GALNT9: variants seen among roughly 807,000 people sequenced by gnomAD.
The protein encoded by GALNT9 is GalNAc transferase 9.
A neutral mutation model predicts 63.1 loss-of-function variants in GALNT9; 47 were observed. The observed-to-expected ratio is 0.75, with a 90% confidence interval of 0.59 to 0.95. The LOEUF is 0.95. GALNT9 is among the 40% of genes least tolerant of loss of function. The probability of loss-of-function intolerance (pLI) is 0.00; values close to 1 mark genes in which losing one functional copy is unlikely to be tolerated. For synonymous variants in GALNT9, 396 were observed against 365.7 expected (o/e 1.08, Z -0.94); for missense variants, 829 against 874.8 (o/e 0.95, Z 0.66).
intron 1 of GALNT9, among the ~76,000 whole-genome samples, chr12:132,325,024 C>A (rs1440614868): frequency 1.3e-5 from 2 of 152,158 alleles, no homozygotes; most frequent in Admixed American, 6.5e-5. Context: ...TGGCTGTGGG[C>A]CATGCACGGG....
At chr12:132,200,596 AT>A in intron 8 of GALNT9, 1 of 153,458 alleles carries the variant, frequency 6.5e-6, no homozygotes, top group Admixed American at 6.5e-5. Flanking sequence ...TGAAACATAC[AT>A]CTGTGTAGGA....
chr12:132,240,518 G>A (rs1555236832), intron 6 of GALNT9: 1 of 430,514 alleles, frequency 2.3e-6, no homozygotes, highest in Non-Finnish European at 4.6e-6. Context: ...CCAGTCGCTG[G>A]CAGTGCTGCT....
chr12:132,257,601 A>T, intron 5 of GALNT9, 88 bp downstream of exon 5: 1 of 918,230 alleles, frequency 1.1e-6, no homozygotes, highest in Non-Finnish European at 1.6e-6. Context: ...CCCGGCCCTC[A>T]TCCCTGGCCC....
intron 6 of GALNT9, among the ~76,000 whole-genome samples, chr12:132,231,278 C>G (rs1179167191): frequency 6.5e-5 from 1 of 15,438 alleles, no homozygotes; most frequent in Non-Finnish European, 1.1e-4. Context: ...CTCGATGGGG[C>G]GACAGAGGAG....
intron 1 of GALNT9, among the ~76,000 whole-genome samples, chr12:132,318,733 C>T (rs1203503041): frequency 6.6e-6 from 1 of 152,226 alleles, no homozygotes; most frequent in Non-Finnish European, 1.5e-5. Context: ...GCCCTCCTCT[C>T]GTCTGCCTGG....
rs1330356481 is a variant in GALNT9 at position 132,296,317 on chromosome 12, C to A, written c.239-9887G>T. ...CAGCCGTCCAGCCCACTCAGACCAGCGGACACAGGTCTGTCTGGGATCCAA... is the reference window on the plus strand; with the variant it reads ...CAGCCGTCCAGCCCACTCAGACCAGAGGACACAGGTCTGTCTGGGATCCAA... On this transcript the variant is annotated intron_variant, in intron 1 of 10. Coordinates refer to ENST00000328957, the MANE Select transcript of GALNT9 (RefSeq NM_001122636.2). This position sits in a 1 kb window ranked among gnomAD's most constrained non-coding sequence, Gnocchi z 4.2. 6.6e-6 allele frequency among the ~76,000 whole-genome samples: 1 copy of A among 152,256 alleles called. No homozygotes were observed. Among genetic ancestry groups the A allele is most frequent in the Non-Finnish European group, 1.5e-5 (1 of 68,048 alleles).
chr12:132,316,909 C>G lies in GALNT9; in HGVS notation c.238+12057G>C, dbSNP rs1216189788. Among the ~76,000 whole-genome samples the G allele has an allele frequency of 6.6e-6, 1 of 151,732 alleles. No individual in the cohort carries two copies. Among genetic ancestry groups the G allele is most frequent in the Non-Finnish European group, 1.5e-5 (1 of 67,884 alleles). ...GCATGGCCTGGCCCCCATTCTACAC[C>G]CCACAGAGCACAGCCTGCATCCTAC... is the stretch of plus-strand genomic sequence containing the variant. On this transcript the variant is annotated intron_variant, in intron 1 of 10. Transcript: ENST00000328957. The surrounding 1 kb of genome is among the most constrained non-coding windows in gnomAD (Gnocchi z 4.3).
chr12:132,276,517 C>CA (rs1880097412), intron 2 of GALNT9: 1 of 154,848 alleles, frequency 6.5e-6, no homozygotes, highest in African/African-American at 2.4e-5. Context: ...CCCAGCTCCT[C>CA]AAAGTGCCAT....
intron 6 of GALNT9, among the ~76,000 whole-genome samples, chr12:132,221,096 C>T (rs1877426537): frequency 7.1e-6 from 1 of 141,656 alleles, no homozygotes; most frequent in African/African-American, 2.7e-5. Context: ...TGGCTCTTGC[C>T]TGTAATCCCA....
At chr12:132,314,913 C>A (rs1196106991) in intron 1 of GALNT9, among the ~76,000 whole-genome samples, 1 of 152,198 alleles carries the variant, frequency 6.6e-6, no homozygotes, top group African/African-American at 2.4e-5. Flanking sequence ...AAATGAGAAA[C>A]CACAGTAACA....
In GALNT9 at chr12:132,260,990, A is replaced by G; in HGVS notation, c.719T>C (p.Val240Ala). The G allele has an allele frequency of 6.5e-7, 1 of 1,548,858 alleles. No homozygotes were observed. The highest frequency in any genetic ancestry group is 1.2e-5 in the South Asian group (1 of 83,854). ...GACGTGGGCATCAAAGAAGCCGACG[A>G]CTGGGGCGGTGGCCGCCTTCCAGCC... is the stretch of plus-strand genomic sequence containing the variant. ...LQGWKAATAP[V>A]VGFFDAHVEF... The change falls in exon 4 of 11, where the codon GTC (valine) becomes GCC (alanine). Residue 240 changes from valine (V) to alanine (A), a missense_variant. Physicochemically the swap from Val to Ala is moderately conservative, Grantham distance 64 (BLOSUM62 0). Transcript: ENST00000328957.
intron 2 of GALNT9, chr12:132,283,757 C>CG (rs375713340): frequency 7.7e-4 from 117 of 152,350 alleles, no homozygotes; most frequent in African/African-American, 2.7e-3. Flanking sequence ...GGACCCCCCC[C>CG]CAGGAGGGGA....
Position 132,197,950 on chromosome 12 carries a change from A to G in GALNT9, c.1507T>C (p.Tyr503His). The change falls in exon 10 of 11, where the codon TAC becomes CAC. Residue 503 changes from tyrosine to histidine, a missense_variant. Tyr to His is a moderately conservative substitution (Grantham distance 83). Transcript: ENST00000328957. ...AGCTGCAGCAGTCCATCAGCGCTGT[A>G]CCGCACCAGCTGGGGACAGGACCAC... ...CHGMSSQLVRYSADGLLQLGP... is the reference protein window; with the variant it reads ...CHGMSSQLVRHSADGLLQLGP... 6.2e-7 allele frequency: 1 copy of G among 1,608,518 alleles called. No individual in the cohort carries two copies. Among genetic ancestry groups the G allele is most frequent in the South Asian group, 1.1e-5 (1 of 90,348 alleles).
At chr12:132,305,143 G>A (rs1391813249) in intron 1 of GALNT9, among the ~76,000 whole-genome samples, 6 of 49,062 alleles carry the variant, frequency 1.2e-4, no homozygotes, top group Non-Finnish European at 2.1e-4. Context: ...AGCCTCGCCC[G>A]GGCACACCCT....
intron 8 of GALNT9, among the ~76,000 whole-genome samples, chr12:132,199,472 G>A (rs1009755731): frequency 1.2e-4 from 19 of 152,082 alleles, no homozygotes; most frequent in African/African-American, 4.1e-4. Flanking sequence ...GGAAGTGTCC[G>A]CCATGCACAG....
At chr12:132,314,008 C>T (rs1184053591) in intron 1 of GALNT9, among the ~76,000 whole-genome samples, 1 of 57,236 alleles carries the variant, frequency 1.7e-5, no homozygotes, top group Non-Finnish European at 3.9e-5. Context: ...CATACATCCA[C>T]CCACCCACCC....
At chr12:132,210,168 G>A (rs1303093819) in intron 6 of GALNT9, among the ~76,000 whole-genome samples, 1 of 152,202 alleles carries the variant, frequency 6.6e-6, no homozygotes, top group Non-Finnish European at 1.5e-5. Flanking sequence ...GGGGCCCGTC[G>A]TCTGCAGGCC....
Position 132,236,478 on chromosome 12 carries a change from C to G in GALNT9, c.1077+11432G>C, listed in dbSNP as rs1878007615. Among the ~76,000 whole-genome samples, 1 of 151,906 alleles carries G rather than the reference C, an allele frequency of 6.6e-6. No homozygotes were observed. The highest frequency in any genetic ancestry group is 1.5e-5 in the Non-Finnish European group (1 of 67,962). On this transcript the variant is annotated intron_variant, in intron 6 of 10. Transcript: ENST00000328957. This position sits in a 1 kb window ranked among gnomAD's most constrained non-coding sequence, Gnocchi z 5.6. ...CATCACGGCTGCCAGGGAGTCAGCT[C>G]TGCAAAATCATCACAGACGTGGGGG...
At chr12:132,300,703 C>G (rs529590659) in intron 1 of GALNT9, among the ~76,000 whole-genome samples, 4 of 151,502 alleles carry the variant, frequency 2.6e-5, no homozygotes, top group Admixed American at 2.6e-4. Flanking sequence ...CCATAACTAA[C>G]CCACTGCCAC....
Sources: allele counts gnomAD v4.1 joint callset (sites outside exome capture counted in the v4.1 genomes callset), GRCh38; gene constraint gnomAD v4.1.1; non-coding constraint Gnocchi (gnomAD v3.1); transcripts MANE v1.5; gene names NCBI Gene and HGNC (gene_info 2026-07-23, HGNC 2026-07-21).